The following SLK variants were observed in gnomAD, a reference collection of about 807,000 sequenced individuals.
The protein encoded by SLK is STE20 like kinase.
Under a neutral mutation model 147.7 loss-of-function variants are expected in SLK, and 67 were observed. The observed-to-expected ratio is 0.45, with a 90% CI of 0.37 to 0.56. SLK has a LOEUF of 0.56. SLK is among the 20% of genes least tolerant of loss of function. SLK has a pLI of 0.00. For missense variants in SLK, 1,136 were observed against 1,438.8 expected (o/e 0.79, Z 3.41); for synonymous variants, 441 against 475.0 (o/e 0.93, Z 0.93).
In SLK at chr10:103,997,517, A is replaced by G. The variant is rs554565181; in HGVS notation, c.515-1382A>G. On this transcript the variant is annotated intron_variant, in intron 4 of 18. Transcript: ENST00000369755. The stretch of plus-strand genomic sequence containing the variant: ...GACCACCATGCTGTTCTCCATAGCA[A>G]CTGCACCATTTTACATTTCTAACGG... Among the ~76,000 whole-genome samples the G allele has an allele frequency of 1.8e-4, 27 of 152,188 alleles. 2 individuals carry two copies. The South Asian group carries it at 3.7e-3, about 21-fold the overall frequency.
chr10:104,008,249 G>A lies in SLK; in HGVS notation c.2677G>A (p.Glu893Lys). 1 of 1,613,978 alleles carries A rather than the reference G, an allele frequency of 6.2e-7. No individual in the cohort carries two copies. Among genetic ancestry groups the A allele is most frequent in the Non-Finnish European group, 8.5e-7 (1 of 1,179,962 alleles). ...GCAGAAACAGACTATCGAACGCCTG[G>A]AACAAGAGCACACAAATCGCTTGCG... ...KQQKQTIERLEQEHTNRLRDE... is the reference protein window; with the variant it reads ...KQQKQTIERLKQEHTNRLRDE... Residue 893 changes from glutamate to lysine, a missense_variant, in exon 12 of 19, where the codon GAA (glutamate) becomes AAA (lysine). Glu to Lys is a moderately conservative substitution (Grantham distance 56). Transcript: ENST00000369755.
At chr10:103,990,559 C>T in intron 1 of SLK, 116 bp from the exon 2 acceptor site, 3 of 558,872 alleles carry the variant, frequency 5.4e-6, no homozygotes, top group Non-Finnish European at 5.8e-6. Context: ...TTTTAAAAGA[C>T]AGCCTAAACG....
intron 18 of SLK, among the ~76,000 whole-genome samples, chr10:104,023,634 C>T (rs1844562759): frequency 6.6e-6 from 1 of 152,178 alleles, no homozygotes; most frequent in African/African-American, 2.4e-5. Context: ...TGCTCCTCCT[C>T]ATTTCACCTA....
At chr10:103,984,884 CAGTA>C (rs1843992614) in intron 1 of SLK, among the ~76,000 whole-genome samples, 2 of 152,150 alleles carry the variant, frequency 1.3e-5, no homozygotes, top group African/African-American at 4.8e-5. Context: ...AGAAGGCACT[CAGTA>C]AGTATTTGTT....
At chr10:103,970,824 A>G (rs574385700) in intron 1 of SLK, among the ~76,000 whole-genome samples, 2 of 152,324 alleles carry the variant, frequency 1.3e-5, no homozygotes, top group African/African-American at 2.4e-5. Flanking sequence ...TGAGTATCCC[A>G]TTTCCCAAAT....
rs1844247878 is a variant in SLK at position 104,001,506 on chromosome 10, T to A, written c.927T>A (p.Ala309=). 1 of 1,613,804 alleles carries A rather than the reference T, an allele frequency of 6.2e-7. No homozygotes were observed. Among genetic ancestry groups the A allele is most frequent in the Non-Finnish European group, 8.5e-7 (1 of 1,179,868 alleles). Residue 309 remains alanine (A), a synonymous_variant, in exon 8 of 19, where the codon GCT becomes GCA. Coordinates refer to ENST00000369755, the MANE Select transcript of SLK (RefSeq NM_014720.4). ...PIRELIAEAK[A]EVTEEVEDGK... is the part of the protein sequence containing the mutation. ...GAGAATTGATTGCAGAGGCGAAGGC[T>A]GAAGTAACAGAAGAAGTTGAAGATG...
intron 7 of SLK, among the ~76,000 whole-genome samples, chr10:104,000,463 A>G (rs1303990365): frequency 3.3e-5 from 5 of 152,212 alleles, no homozygotes; most frequent in Non-Finnish European, 2.9e-5. Context: ...ATAGTGTTTT[A>G]GGTTGACCTA....
chr10:104,017,889 G>C (rs1844484825), intron 13 of SLK, among the ~76,000 whole-genome samples: 1 of 152,186 alleles, frequency 6.6e-6, no homozygotes, highest in African/African-American at 2.4e-5. Flanking sequence ...TAGTGTAATA[G>C]GGCACTTTAA....
chr10:104,017,512 C>G (rs1291764872), intron 13 of SLK, among the ~76,000 whole-genome samples: 1 of 152,106 alleles, frequency 6.6e-6, no homozygotes, highest in East Asian at 1.9e-4. Flanking sequence ...TGGAGTCTCA[C>G]TCTGTCACCC....
chr10:103,980,562 A>G (rs934973887), intron 1 of SLK, among the ~76,000 whole-genome samples: 3 of 152,170 alleles, frequency 2.0e-5, no homozygotes, highest in African/African-American at 7.2e-5. Context: ...TATCCTAAGT[A>G]CCTCATTAAA....
At chr10:103,972,949 G>C (rs1014469884) in intron 1 of SLK, among the ~76,000 whole-genome samples, 1 of 152,074 alleles carries the variant, frequency 6.6e-6, no homozygotes, top group African/African-American at 2.4e-5. Context: ...ACCATTTGCT[G>C]GTGATAGTTA....
chr10:104,022,127 AGAAT>A (rs1034235289), intron 18 of SLK, among the ~76,000 whole-genome samples: 9 of 152,126 alleles, frequency 5.9e-5, no homozygotes, highest in Admixed American at 5.2e-4. Flanking sequence ...TAGGGAGAAG[AGAAT>A]GAGTGAAAAG....
At chr10:103,982,663 G>A (rs1194909838) in intron 1 of SLK, among the ~76,000 whole-genome samples, 1 of 152,184 alleles carries the variant, frequency 6.6e-6, no homozygotes, top group Admixed American at 6.5e-5. Flanking sequence ...ACTTGTTAAA[G>A]TTTACTTGTA....
chr10:104,008,502 T>C, intron 12 of SLK, 146 bp downstream of exon 12: 1 of 614,928 alleles, frequency 1.6e-6, no homozygotes, highest in South Asian at 2.3e-5. Flanking sequence ...TCAACAGTCA[T>C]ATAGAGTTGT....
Position 103,982,002 on chromosome 10 carries a change from T to C in SLK, c.151-8673T>C, listed in dbSNP as rs1320976039. On this transcript the variant is annotated intron_variant, in intron 1 of 18. Transcript: ENST00000369755. ...TTTATGTCTTTGATTTCTTCCAGCA[T>C]TGATTTTTTAGTTTTCATTGTACAA... is the stretch of plus-strand genomic sequence containing the variant. Among the ~76,000 whole-genome samples the C allele has an allele frequency of 3.3e-5, 5 of 152,174 alleles. No individual in the cohort carries two copies. The East Asian group carries it at 9.6e-4, about 29-fold the overall frequency.
intron 9 of SLK, among the ~76,000 whole-genome samples, chr10:104,004,308 T>A (rs1844295944): frequency 6.6e-6 from 1 of 152,222 alleles, no homozygotes. Context: ...CCTAGGATTT[T>A]CTTCTTTTTT....
At position 104,002,437 on chromosome 10, in the gene SLK, A is replaced by G. The variant is rs559175633; in HGVS notation, c.1259A>G (p.Lys420Arg). The part of the protein sequence containing the change: ...TELHDRTAVI[K>R]ENEREKRPKL... ...CTCCATGACAGAACAGCAGTAATCA[A>G]GGAGAATGAAAGAGAGAAGAGGCCC... Residue 420 changes from lysine to arginine, a missense_variant, in exon 9 of 19, where the codon AAG becomes AGG. Lys to Arg is a conservative substitution (Grantham distance 26). Coordinates refer to ENST00000369755, the MANE Select transcript of SLK (RefSeq NM_014720.4). 1 of 1,614,058 alleles carries G rather than the reference A, an allele frequency of 6.2e-7. No individual in the cohort carries two copies. Among genetic ancestry groups the G allele is most frequent in the Non-Finnish European group, 8.5e-7 (1 of 1,180,018 alleles).
At chr10:103,985,727 A>T (rs1473088126) in intron 1 of SLK, among the ~76,000 whole-genome samples, 1 of 152,148 alleles carries the variant, frequency 6.6e-6, no homozygotes, top group Non-Finnish European at 1.5e-5. Context: ...TATATTCTTC[A>T]CTATGAAATA....
chr10:104,009,860 G>A (rs951085630), intron 12 of SLK, among the ~76,000 whole-genome samples: 2 of 151,950 alleles, frequency 1.3e-5, no homozygotes, highest in Non-Finnish European at 2.9e-5. Flanking sequence ...TTTCATGAGG[G>A]ATTACTGATG....
Sources: allele counts gnomAD v4.1 joint callset (sites outside exome capture counted in the v4.1 genomes callset), GRCh38; gene constraint gnomAD v4.1.1; transcripts MANE v1.5; gene names NCBI Gene and HGNC (gene_info 2026-07-23, HGNC 2026-07-21).